Variants in CLSTN1 observed in about 807,000 individuals in gnomAD.
CLSTN1 encodes the protein calsyntenin 1.
In CLSTN1, 28 loss-of-function variants were observed where a neutral mutation model predicts 108.3. The observed-to-expected ratio is 0.26, with a 90% CI of 0.19 to 0.35. The LOEUF is 0.35. CLSTN1 is among the 10% of genes least tolerant of loss of function. The pLI is 1.00. For synonymous variants in CLSTN1, 524 were observed against 534.9 expected (o/e 0.98, Z 0.28); for missense variants, 1,157 against 1,302.6 (o/e 0.89, Z 1.72).
At chr1:9,813,481 A>C (rs1046698458) in intron 1 of CLSTN1, among the ~76,000 whole-genome samples, 23 of 151,720 alleles carry the variant, frequency 1.5e-4, no homozygotes, top group African/African-American at 5.3e-4. Flanking sequence ...CCTGGGCAAT[A>C]CAGCAAGACT....
At position 9,792,118 on chromosome 1, in the gene CLSTN1, G is replaced by A. The variant is rs184663023; in HGVS notation, c.92-18724C>T. ...AATCATTTGAACCTGCGAGGTGGAGGTTGCAGTGAGCTGAGATCGGTCGTG... is the reference window on the plus strand; with the variant it reads ...AATCATTTGAACCTGCGAGGTGGAGATTGCAGTGAGCTGAGATCGGTCGTG... On this transcript the variant is annotated intron_variant, in intron 1 of 18. Transcript: ENST00000377298. 1.5e-3 allele frequency among the ~76,000 whole-genome samples: 221 copies of A among 151,164 alleles called. 5 individuals carry two copies. Among genetic ancestry groups the A allele is most frequent in the Admixed American group, 4.2e-3 (62 of 14,874 alleles).
chr1:9,777,303 T>TG (rs1163264018), intron 1 of CLSTN1, among the ~76,000 whole-genome samples: 1 of 151,054 alleles, frequency 6.6e-6, no homozygotes, highest in Non-Finnish European at 1.5e-5. Context: ...GCGGATCACT[T>TG]GAAGTCAGGA....
chr1:9,792,192 AAAC>A lies in CLSTN1; in HGVS notation c.92-18801_92-18799del, dbSNP rs539933669. ...CAGCGAGACTCCACTTCAAGGGGAA[AAAC>A]AACAACAACAACAACAACAAAAAAA... On this transcript the variant is annotated intron_variant, in intron 1 of 18. Coordinates refer to ENST00000377298, the MANE Select transcript of CLSTN1 (RefSeq NM_001009566.3). 2.3e-4 allele frequency among the ~76,000 whole-genome samples: 34 copies of A among 150,990 alleles called. 1 individual carries two copies. Among genetic ancestry groups the A allele is most frequent in the Non-Finnish European group, 2.9e-4 (20 of 67,920 alleles).
chr1:9,818,446 A>T (rs757826497), intron 1 of CLSTN1, among the ~76,000 whole-genome samples: 3 of 151,516 alleles, frequency 2.0e-5, no homozygotes, highest in Non-Finnish European at 4.4e-5. Context: ...CTCTTGCCTC[A>T]GCCTCCCAAG....
At chr1:9,772,486 T>C (rs1055125211) in intron 2 of CLSTN1, among the ~76,000 whole-genome samples, 2 of 152,098 alleles carry the variant, frequency 1.3e-5, no homozygotes, top group African/African-American at 4.8e-5. Flanking sequence ...GGAGAAGATC[T>C]GATCTGGAAA....
chr1:9,808,382 C>G (rs1435061859), intron 1 of CLSTN1, among the ~76,000 whole-genome samples: 3 of 152,308 alleles, frequency 2.0e-5, no homozygotes, highest in African/African-American at 7.2e-5. Context: ...TACCCAATTT[C>G]CACTTGTTAT....
At chr1:9,802,454 T>A (rs1654313440) in intron 1 of CLSTN1, among the ~76,000 whole-genome samples, 1 of 152,184 alleles carries the variant, frequency 6.6e-6, no homozygotes, top group African/African-American at 2.4e-5. Context: ...CATTAAAAAG[T>A]GCTACAAATT....
intron 1 of CLSTN1, among the ~76,000 whole-genome samples, chr1:9,786,996 G>A (rs1203507604): frequency 6.6e-6 from 1 of 151,440 alleles, no homozygotes; most frequent in African/African-American, 2.4e-5. Context: ...CCTCAGGGTA[G>A]GATGCCAGGA....
At chr1:9,796,916 G>C (rs1022527381) in intron 1 of CLSTN1, among the ~76,000 whole-genome samples, 2 of 152,184 alleles carry the variant, frequency 1.3e-5, no homozygotes. Flanking sequence ...TGACGGAGCA[G>C]AGTGGAGAGT....
In CLSTN1 at chr1:9,751,458, C is replaced by G. The variant is rs200411041; in HGVS notation, c.649+15G>C. The G allele has an allele frequency of 9.7e-5, 157 of 1,613,484 alleles. 1 individual carries two copies. The East Asian group carries it at 3.5e-3, about 36-fold the overall frequency. ...ACTGTCTACCTAGCTGAAAAGCCGG[C>G]TCCTCGATTCTTACCATCTTTGTCA... On this transcript the variant is annotated intron_variant, in intron 5 of 18. Transcript: ENST00000377298.
rs1312909609 is a variant in CLSTN1, at chr1:9,734,093, A to G, written c.2160T>C (p.Cys720=). The G allele has an allele frequency of 1.2e-6, 2 of 1,614,080 alleles. No individual in the cohort carries two copies. The highest frequency in any genetic ancestry group is 3.3e-5 in the Admixed American group (2 of 60,026). The part of the protein sequence containing the change: ...SEEIVHDLDT[C]EVTVEGEELN... ...GCTCCTCTCCCTCCACCGTGACCTC[A>G]CAGGTATCCAGGTCGTGCACGATCT... Residue 720 remains cysteine (C), a synonymous_variant, in exon 15 of 19, where the codon TGT becomes TGC. Transcript: ENST00000377298. This position sits in a 1 kb window ranked among gnomAD's most constrained non-coding sequence, Gnocchi z 4.8.
In CLSTN1 at chr1:9,731,884, G is replaced by A. The variant is rs773489566; in HGVS notation, c.2440C>T (p.His814Tyr). ...NEFKVEVNVI[H>Y]TANPMEHANH... ...GCGTGTTCCATGGGGTTGGCCGTGT[G>A]GATTACATTCACCTATAGCAGAGAA... Residue 814 changes from histidine (H) to tyrosine (Y), a missense_variant, in exon 17 of 19, where the codon CAC (histidine) becomes TAC (tyrosine). By Grantham distance (83) the His-to-Tyr change is moderately conservative. Coordinates refer to ENST00000377298, the MANE Select transcript of CLSTN1 (RefSeq NM_001009566.3). 3.1e-6 allele frequency: 5 copies of A among 1,614,018 alleles called. No homozygotes were observed. The African/African-American group carries it at 6.7e-5, about 22-fold the overall frequency.
intron 1 of CLSTN1, among the ~76,000 whole-genome samples, chr1:9,809,880 G>C (rs568609901): frequency 3.3e-5 from 5 of 150,402 alleles, no homozygotes; most frequent in African/African-American, 1.2e-4. Context: ...TAGCCTGAGG[G>C]AAAGAGCAAA....
upstream of CLSTN1, chr1:9,823,967 G>A: frequency 6.3e-6 from 1 of 157,932 alleles, no homozygotes; most frequent in Non-Finnish European, 1.4e-5. The surrounding 1 kb of genome is among the most constrained non-coding windows in gnomAD (Gnocchi z 6.3). Flanking sequence ...AACTAAGATG[G>A]CGGCGGCGCT....
Position 9,800,607 on chromosome 1 carries a change from G to A in CLSTN1, c.91+23036C>T, listed in dbSNP as rs565720285. On this transcript the variant is annotated intron_variant, in intron 1 of 18. Transcript: ENST00000377298. The stretch of plus-strand genomic sequence containing the variant: ...TAGCTGGGTGTGGTGGCAGGCGCCT[G>A]TAGTCCCAGCTACTCAGGAGGCTGA... Among the ~76,000 whole-genome samples the A allele has an allele frequency of 4.6e-3, 689 of 149,900 alleles. 2 individuals carry two copies. The highest frequency in any genetic ancestry group is 0.015 in the African/African-American group (618 of 40,952).
chr1:9,767,508 G>A (rs961178412), intron 2 of CLSTN1, among the ~76,000 whole-genome samples: 2 of 148,660 alleles, frequency 1.3e-5, no homozygotes, highest in Admixed American at 6.7e-5. Context: ...TAGCACCACT[G>A]CACTCCAGCC....
Position 9,741,197 on chromosome 1 carries a change from G to T in CLSTN1, c.1416C>A (p.Leu472=). Residue 472 remains leucine (L), a synonymous_variant, in exon 10 of 19, where the codon CTC becomes CTA. Coordinates refer to ENST00000377298, the MANE Select transcript of CLSTN1 (RefSeq NM_001009566.3). ...VLNVEFPSVT[L]YVDGTSHEPF... is the part of the protein sequence containing the mutation. Reference sequence around the variant, plus strand: ...GCTCGTGGGACGTGCCATCCACATAGAGAGTCACACTCGGGAATTCTACAT... The same window carrying T: ...GCTCGTGGGACGTGCCATCCACATATAGAGTCACACTCGGGAATTCTACAT... The T allele has an allele frequency of 6.2e-7, 1 of 1,614,046 alleles. No homozygotes were observed. The highest frequency in any genetic ancestry group is 8.5e-7 in the Non-Finnish European group (1 of 1,179,962).
At chr1:9,808,330 G>A (rs111803996) in intron 1 of CLSTN1, among the ~76,000 whole-genome samples, 2,958 of 152,318 alleles carry the variant, frequency 0.019, 52 homozygotes, top group Non-Finnish European at 0.029. Flanking sequence ...GTGGGTGAGC[G>A]TGAACGCATG....
chr1:9,820,831 C>T lies in CLSTN1; in HGVS notation c.91+2812G>A, dbSNP rs1344677640. On this transcript the variant is annotated intron_variant, in intron 1 of 18. Transcript: ENST00000377298. The stretch of plus-strand genomic sequence containing the variant: ...AAGGCATGTTAGAATGGGCTAAGTG[C>T]TATGCAAAAAGAAAAAGTGTTGCAG... Among the ~76,000 whole-genome samples, 4 of 152,050 alleles carry T rather than the reference C, an allele frequency of 2.6e-5. No individual in the cohort carries two copies. The South Asian group carries it at 6.2e-4, about 24-fold the overall frequency.
Sources: gnomAD v4.1 joint callset for allele counts (sites outside exome capture counted in the v4.1 genomes callset) on GRCh38, gnomAD v4.1.1 for gene constraint, Gnocchi (gnomAD v3.1) non-coding constraint, MANE v1.5 for transcripts, NCBI Gene and HGNC (gene_info 2026-07-23, HGNC 2026-07-21) for gene names.